The following KCNT2 variants were observed in gnomAD, a reference collection of about 807,000 sequenced individuals.
KCNT2 encodes the protein potassium channel subfamily T member 2.
KCNT2 carries 67 observed loss-of-function variants against 153.8 expected under a neutral mutation model. That is an observed-to-expected ratio of 0.44 (90% CI 0.36 to 0.53). The LOEUF is 0.53. Among genes scored for constraint, KCNT2 ranks in the 20% least tolerant of loss-of-function variants. KCNT2 has a pLI of 0.00. For missense variants in KCNT2, 975 were observed against 1,354.8 expected, an observed-to-expected ratio of 0.72 and a Z score of 4.40; for synonymous variants, 500 against 458.8, an observed-to-expected ratio of 1.09 and a Z score of -1.15.
At chr1:196,250,114 A>G (rs528415346) in intron 26 of KCNT2, among the ~76,000 whole-genome samples, 11 of 152,184 alleles carry the variant, frequency 7.2e-5, no homozygotes, top group Non-Finnish European at 1.6e-4. Flanking sequence ...TAAAATTTAT[A>G]TGGTACCACA....
chr1:196,524,842 A>G (rs1042504861), intron 1 of KCNT2, among the ~76,000 whole-genome samples: 2 of 152,184 alleles, frequency 1.3e-5, no homozygotes, highest in Non-Finnish European at 2.9e-5. Context: ...ATTTAGATCT[A>G]ATTTATGTTC....
chr1:196,274,240 G>A (rs1658345742), intron 25 of KCNT2, among the ~76,000 whole-genome samples: 1 of 151,406 alleles, frequency 6.6e-6, no homozygotes, highest in African/African-American at 2.4e-5. Flanking sequence ...CAAATTTAAA[G>A]AACAATAGTC....
At chr1:196,560,073 T>G (rs1659181163) in intron 1 of KCNT2, among the ~76,000 whole-genome samples, 2 of 151,936 alleles carry the variant, frequency 1.3e-5, no homozygotes, top group South Asian at 2.1e-4. Context: ...GTGATTCTTT[T>G]ACATTCATTC....
intron 16 of KCNT2, among the ~76,000 whole-genome samples, chr1:196,339,520 CAGAG>C (rs5779831): frequency 0.042 from 5,752 of 137,154 alleles, 123 homozygotes; most frequent in South Asian, 0.083. Flanking sequence ...CACACACACA[CAGAG>C]AGAGAGAGAG....
At chr1:196,586,872 A>G (rs1662753660) in intron 1 of KCNT2, among the ~76,000 whole-genome samples, 1 of 152,116 alleles carries the variant, frequency 6.6e-6, no homozygotes, top group Non-Finnish European at 1.5e-5. Context: ...AATATTTAAT[A>G]AGTGCTAATA....
chr1:196,451,030 A>G (rs1471823793), intron 8 of KCNT2, among the ~76,000 whole-genome samples: 2 of 151,512 alleles, frequency 1.3e-5, no homozygotes, highest in Non-Finnish European at 2.9e-5. Context: ...TTATTTTCTC[A>G]TTTTTTTATT....
rs1383455037 is a variant in KCNT2, at chr1:196,326,800, T to C, written c.2193A>G (p.Gly731=). Residue 731 remains glycine (G), a synonymous_variant, in exon 19 of 28, where the codon GGA becomes GGG. Transcript: ENST00000294725. Reference sequence around the variant, plus strand: ...TGAGAGGAACAATAAAGTTATATAATCCATTTCCAGCTGTTTCAGCTGCAA... The same window carrying C: ...TGAGAGGAACAATAAAGTTATATAACCCATTTCCAGCTGTTTCAGCTGCAA... The part of the protein sequence containing the change: ...IIVAAETAGN[G]LYNFIVPLRA... 1 of 1,585,038 alleles carries C rather than the reference T, an allele frequency of 6.3e-7. No individual in the cohort carries two copies. The highest frequency in any genetic ancestry group is 2.3e-5 in the East Asian group (1 of 43,780).
chr1:196,325,301 A>G (rs1225240658), intron 19 of KCNT2, among the ~76,000 whole-genome samples: 2 of 152,080 alleles, frequency 1.3e-5, no homozygotes, highest in African/African-American at 4.8e-5. Context: ...GTAACCTGGT[A>G]CCTGAATTGA....
At chr1:196,351,258 G>A (rs530788963) in intron 14 of KCNT2, among the ~76,000 whole-genome samples, 2 of 152,242 alleles carry the variant, frequency 1.3e-5, no homozygotes, top group African/African-American at 4.8e-5. Context: ...TTGGTAGCTT[G>A]ATGGGGATGG....
chr1:196,508,754 T>A (rs1052325331), intron 1 of KCNT2, among the ~76,000 whole-genome samples: 9 of 152,190 alleles, frequency 5.9e-5, no homozygotes, highest in Admixed American at 2.0e-4. Flanking sequence ...TTTATATCCA[T>A]TTAATTGGAA....
chr1:196,520,347 T>A (rs1022766151), intron 1 of KCNT2, among the ~76,000 whole-genome samples: 2 of 152,010 alleles, frequency 1.3e-5, no homozygotes, highest in Non-Finnish European at 2.9e-5. Flanking sequence ...ACAGCCAATA[T>A]CATACTGAAT....
intron 14 of KCNT2, among the ~76,000 whole-genome samples, chr1:196,354,085 T>C (rs867368173): frequency 6.6e-6 from 1 of 151,954 alleles, no homozygotes; most frequent in Non-Finnish European, 1.5e-5. Context: ...TTCATATTAA[T>C]AGATGTTAGA....
At chr1:196,257,497 A>C in intron 26 of KCNT2, 1 of 976,652 alleles carries the variant, frequency 1.0e-6, no homozygotes, top group South Asian at 4.7e-5. Context: ...CACCTTGTTT[A>C]TCATTTGGTT....
chr1:196,604,719 A>C (rs1192901779), intron 1 of KCNT2, among the ~76,000 whole-genome samples: 4 of 151,306 alleles, frequency 2.6e-5, no homozygotes, highest in Non-Finnish European at 4.4e-5. Context: ...ATATATTATA[A>C]TATATATTAT....
chr1:196,575,124 G>A (rs947886189), intron 1 of KCNT2, among the ~76,000 whole-genome samples: 4 of 151,994 alleles, frequency 2.6e-5, no homozygotes, highest in African/African-American at 9.7e-5. Context: ...TGGGGTGAAT[G>A]GTATGAATTA....
chr1:196,509,729 GTTAA>G (rs899871877), intron 1 of KCNT2, among the ~76,000 whole-genome samples: 7 of 152,198 alleles, frequency 4.6e-5, no homozygotes, highest in South Asian at 2.1e-4. Context: ...TTTTTAATAA[GTTAA>G]TTAATTAAGT....
At chr1:196,288,132 A>G (rs1280357714) in intron 22 of KCNT2, among the ~76,000 whole-genome samples, 1 of 141,888 alleles carries the variant, frequency 7.0e-6, no homozygotes, top group Non-Finnish European at 1.5e-5. Context: ...GTAAAAAAAA[A>G]TAAATAAATA....
At chr1:196,326,512 C>T (rs1424431840) in intron 19 of KCNT2, among the ~76,000 whole-genome samples, 1 of 151,814 alleles carries the variant, frequency 6.6e-6, no homozygotes, top group Admixed American at 6.6e-5. Flanking sequence ...TCAGAATATC[C>T]CAGTTTTAAG....
intron 1 of KCNT2, among the ~76,000 whole-genome samples, chr1:196,525,398 A>G (rs1252588257): frequency 6.6e-6 from 1 of 152,138 alleles, no homozygotes; most frequent in Non-Finnish European, 1.5e-5. Flanking sequence ...TCCCTGTTTA[A>G]TAGCTCTTAC....
Sources: gnomAD v4.1 joint callset for allele counts (sites outside exome capture counted in the v4.1 genomes callset) on GRCh38, gnomAD v4.1.1 for gene constraint, MANE v1.5 for transcripts, NCBI Gene and HGNC (gene_info 2026-07-23, HGNC 2026-07-21) for gene names.